Variants in RNF185 observed in about 807,000 individuals in gnomAD.
RNF185 encodes E3 ubiquitin-protein ligase RNF185.
Under a neutral mutation model 24.9 loss-of-function variants are expected in RNF185, and 13 were observed. That is an observed-to-expected ratio of 0.52 (90% CI 0.34 to 0.83). The LOEUF is 0.83. RNF185 is among the 40% of genes least tolerant of loss of function. The pLI, the probability that RNF185 is intolerant of heterozygous loss-of-function variation, is 0.01. For synonymous variants in RNF185, 79 were observed against 90.3 expected, an observed-to-expected ratio of 0.88 and a Z score of 0.71; for missense variants, 184 against 244.7, an observed-to-expected ratio of 0.75 and a Z score of 1.65.
At chr22:31,192,359 AG>A (rs1438524414) in intron 2 of RNF185, among the ~76,000 whole-genome samples, 3 of 152,166 alleles carry the variant, frequency 2.0e-5, no homozygotes, top group East Asian at 3.8e-4. Context: ...AACCTCTCAC[AG>A]GGTGATTTGT....
intron 1 of RNF185, among the ~76,000 whole-genome samples, chr22:31,162,804 G>A (rs1266718940): frequency 2.1e-5 from 3 of 143,234 alleles, no homozygotes; most frequent in African/African-American, 7.8e-5. Context: ...TCGCTCTGTT[G>A]CCCAGGCTGG....
At chr22:31,196,871 G>A in intron 4 of RNF185, 65 bp from the exon 5 acceptor site, 1 of 1,593,714 alleles carries the variant, frequency 6.3e-7, no homozygotes, top group African/African-American at 1.4e-5. Context: ...AAGAGCTCCA[G>A]GTCCTCACAG....
intron 1 of RNF185, among the ~76,000 whole-genome samples, chr22:31,161,764 T>A (rs187517117): frequency 2.7e-3 from 405 of 152,250 alleles, no homozygotes; most frequent in Non-Finnish European, 4.0e-3. Flanking sequence ...CAGCAATATG[T>A]GTATAGATGT....
intron 1 of RNF185, among the ~76,000 whole-genome samples, chr22:31,165,358 A>T (rs1021150919): frequency 6.6e-6 from 1 of 152,098 alleles, no homozygotes; most frequent in Non-Finnish European, 1.5e-5. Context: ...TTAATGGCTG[A>T]TGATGATGAT....
At chr22:31,200,076 G>T (rs1185503906) in intron 5 of RNF185, among the ~76,000 whole-genome samples, 1 of 152,156 alleles carries the variant, frequency 6.6e-6, no homozygotes. Context: ...GAGCATGAAG[G>T]CCGGGCACAG....
chr22:31,176,196 CTTTTTTTG>C (rs969066061), intron 1 of RNF185, among the ~76,000 whole-genome samples: 4 of 151,878 alleles, frequency 2.6e-5, no homozygotes, highest in Non-Finnish European at 5.9e-5. Flanking sequence ...TTTTTGACCT[CTTTTTTTG>C]GTATCTTTTT....
intron 1 of RNF185, among the ~76,000 whole-genome samples, chr22:31,185,734 A>G (rs2147944998): frequency 6.6e-6 from 1 of 152,324 alleles, no homozygotes; most frequent in Non-Finnish European, 1.5e-5. Flanking sequence ...GGCTCCTGAC[A>G]GATTGTTAAT....
chr22:31,189,056 G>A (rs2147949110), intron 2 of RNF185, among the ~76,000 whole-genome samples: 1 of 150,154 alleles, frequency 6.7e-6, no homozygotes, highest in African/African-American at 2.4e-5. Flanking sequence ...AACCCGGGAG[G>A]CAGAGCTTGC....
In RNF185 at chr22:31,194,452, G is replaced by A. The variant is rs544813913; in HGVS notation, c.196-1017G>A. Among the ~76,000 whole-genome samples, 41 of 152,192 alleles carry A rather than the reference G, an allele frequency of 2.7e-4. No individual in the cohort carries two copies. The East Asian group carries it at 3.5e-3, about 13-fold the overall frequency. On this transcript the variant is annotated intron_variant, in intron 3 of 6. Coordinates refer to ENST00000326132, the MANE Select transcript of RNF185 (RefSeq NM_152267.4). Reference sequence around the variant, plus strand: ...ATGCTATAAAAATGAGAAATTGGCCGGGCGCGGTGGCTCATGCCTGTGATC... The same window carrying A: ...ATGCTATAAAAATGAGAAATTGGCCAGGCGCGGTGGCTCATGCCTGTGATC...
chr22:31,175,784 AT>A (rs1259688035), intron 1 of RNF185, among the ~76,000 whole-genome samples: 2 of 152,224 alleles, frequency 1.3e-5, no homozygotes, highest in East Asian at 3.8e-4. Flanking sequence ...TATTAAAAAA[AT>A]AAATTCATAA....
chr22:31,187,656 A>G (rs1026988664), intron 2 of RNF185, among the ~76,000 whole-genome samples: 2 of 152,202 alleles, frequency 1.3e-5, no homozygotes, highest in South Asian at 2.1e-4. Context: ...AGGTACTTAC[A>G]CACATTCTGC....
chr22:31,172,524 G>A lies in RNF185; in HGVS notation c.-49+12221G>A, dbSNP rs373047434. On this transcript the variant is annotated intron_variant, in intron 1 of 6. Coordinates refer to ENST00000326132, the MANE Select transcript of RNF185 (RefSeq NM_152267.4). Reference sequence around the variant, plus strand: ...AGCACTTTGGGAGGCCGAGGCAGGCGCATCACCTGAGGTCAGGAGTTCAAG... The same window carrying A: ...AGCACTTTGGGAGGCCGAGGCAGGCACATCACCTGAGGTCAGGAGTTCAAG... Among the ~76,000 whole-genome samples, 1,409 of 151,284 alleles carry A rather than the reference G, an allele frequency of 9.3e-3. 9 individuals are homozygous for A. The highest frequency in any genetic ancestry group is 0.025 in the Middle Eastern group (7 of 282).
chr22:31,204,359 A>G (rs2048294319), intron 6 of RNF185, 130 bp from the exon 7 acceptor site: 2 of 650,616 alleles, frequency 3.1e-6, no homozygotes, highest in South Asian at 1.8e-5. Context: ...AAAAAAAAGA[A>G]ATCTTTTTGT....
At chr22:31,193,725 C>G (rs1194056322) in intron 3 of RNF185, among the ~76,000 whole-genome samples, 1 of 150,746 alleles carries the variant, frequency 6.6e-6, no homozygotes, top group Non-Finnish European at 1.5e-5. Context: ...ATCTGGGAGG[C>G]AGAGGTTGCA....
At chr22:31,174,261 G>A (rs1056201126) in intron 1 of RNF185, among the ~76,000 whole-genome samples, 5 of 152,122 alleles carry the variant, frequency 3.3e-5, no homozygotes, top group East Asian at 1.9e-4. Context: ...CCTCTGTGCC[G>A]TGCTAGTTTT....
chr22:31,191,934 G>C (rs1055861526), intron 2 of RNF185, among the ~76,000 whole-genome samples: 6 of 150,112 alleles, frequency 4.0e-5, no homozygotes, highest in African/African-American at 7.4e-5. Flanking sequence ...CAATGAACTA[G>C]AAGTCAGGAG....
intron 1 of RNF185, among the ~76,000 whole-genome samples, chr22:31,169,693 T>G (rs1924160272): frequency 1.3e-5 from 2 of 152,170 alleles, no homozygotes; most frequent in Non-Finnish European, 2.9e-5. Flanking sequence ...ACCACAGGCA[T>G]GCGCCACTGC....
intron 1 of RNF185, among the ~76,000 whole-genome samples, chr22:31,176,789 A>G (rs1411717648): frequency 6.6e-6 from 1 of 151,826 alleles, no homozygotes; most frequent in Non-Finnish European, 1.5e-5. Context: ...TGTCCAGCCC[A>G]TCCTGTTTTT....
At chr22:31,172,285 C>G (rs552460854) in intron 1 of RNF185, among the ~76,000 whole-genome samples, 3 of 151,524 alleles carry the variant, frequency 2.0e-5, no homozygotes, top group Non-Finnish European at 4.4e-5. Flanking sequence ...GTCAGGAGTT[C>G]GAGACCAGCC....
Sources: gnomAD v4.1 joint callset for allele counts (sites outside exome capture counted in the v4.1 genomes callset) on GRCh38, gnomAD v4.1.1 for gene constraint, MANE v1.5 for transcripts, NCBI Gene and HGNC (gene_info 2026-07-23, HGNC 2026-07-21) for gene names.